BMERB1: variants seen among roughly 807,000 people sequenced by gnomAD.
BMERB1 encodes bMERB domain-containing protein 1.
In BMERB1, 12 loss-of-function variants were observed where a neutral mutation model predicts 23.6. The observed-to-expected ratio is 0.51, with a 90% confidence interval of 0.33 to 0.82. BMERB1 has a LOEUF of 0.82. Ranked by LOEUF, BMERB1 falls within the 40% of genes least tolerant of loss-of-function variation. BMERB1 has a pLI of 0.03. For synonymous variants in BMERB1, 122 were observed against 96.6 expected (o/e 1.26, Z -1.54); for missense variants, 247 against 255.4 (o/e 0.97, Z 0.22).
At chr16:15,546,182 G>A (rs924160291) in intron 2 of BMERB1, among the ~76,000 whole-genome samples, 1 of 152,280 alleles carries the variant, frequency 6.6e-6, no homozygotes, top group African/African-American at 2.4e-5. Context: ...CAGCCACTCA[G>A]GAGGCTGAGG....
chr16:15,435,866 A>G (rs1303584582), intron 1 of BMERB1, among the ~76,000 whole-genome samples: 2 of 152,148 alleles, frequency 1.3e-5, no homozygotes, highest in Non-Finnish European at 2.9e-5. Context: ...TCACAATCCA[A>G]TGTCTTAGTG....
At chr16:15,484,466 A>G (rs931636082) in intron 1 of BMERB1, among the ~76,000 whole-genome samples, 17 of 151,882 alleles carry the variant, frequency 1.1e-4, no homozygotes, top group African/African-American at 3.6e-4. Context: ...CAGTGGTGCA[A>G]TCTCAACTCA....
At chr16:15,491,400 C>G (rs1296392988) in intron 1 of BMERB1, among the ~76,000 whole-genome samples, 2 of 151,300 alleles carry the variant, frequency 1.3e-5, no homozygotes, top group East Asian at 3.9e-4. Context: ...GTTGCCCAGT[C>G]TGGAGTGCAA....
At chr16:15,508,452 G>A (rs965861678) in intron 1 of BMERB1, among the ~76,000 whole-genome samples, 2 of 151,652 alleles carry the variant, frequency 1.3e-5, no homozygotes, top group Admixed American at 6.6e-5. Flanking sequence ...TCAGTGTCCA[G>A]AACAACTCTA....
At chr16:15,448,493 A>G (rs1396639976) in intron 1 of BMERB1, among the ~76,000 whole-genome samples, 1 of 152,082 alleles carries the variant, frequency 6.6e-6, no homozygotes, top group African/African-American at 2.4e-5. Flanking sequence ...TGAGGTCTTA[A>G]CCAGTTAAAA....
intron 1 of BMERB1, among the ~76,000 whole-genome samples, chr16:15,439,063 G>T (rs947957989): frequency 2.6e-5 from 4 of 152,220 alleles, no homozygotes; most frequent in Admixed American, 6.5e-5. Context: ...AAACAGAATT[G>T]AAGAGGGGAG....
intron 2 of BMERB1, among the ~76,000 whole-genome samples, chr16:15,562,783 C>T (rs529581433): frequency 9.2e-5 from 14 of 152,314 alleles, no homozygotes; most frequent in East Asian, 3.9e-4. Flanking sequence ...GTTGAACGAT[C>T]GCTGATAGAA....
At chr16:15,524,827 G>A (rs974676471) in intron 2 of BMERB1, among the ~76,000 whole-genome samples, 1 of 152,158 alleles carries the variant, frequency 6.6e-6, no homozygotes, top group African/African-American at 2.4e-5. Flanking sequence ...TTGCTGCTAC[G>A]AGTTGCCTTT....
chr16:15,578,065 G>A (rs2030915438), intron 3 of BMERB1, among the ~76,000 whole-genome samples: 1 of 152,190 alleles, frequency 6.6e-6, no homozygotes, highest in African/African-American at 2.4e-5. Flanking sequence ...ATTCCTTGGG[G>A]GGGAAATCCC....
At chr16:15,558,899 C>T (rs569223707) in intron 2 of BMERB1, among the ~76,000 whole-genome samples, 1 of 151,742 alleles carries the variant, frequency 6.6e-6, no homozygotes, top group Non-Finnish European at 1.5e-5. Flanking sequence ...AGGGGAGAAC[C>T]GAAGGCCCTA....
intron 1 of BMERB1, among the ~76,000 whole-genome samples, chr16:15,481,920 G>A (rs1282731404): frequency 6.6e-6 from 1 of 151,326 alleles, no homozygotes; most frequent in Non-Finnish European, 1.5e-5. Flanking sequence ...TAGTAGAGAC[G>A]GGGTTTCACT....
At chr16:15,542,237 T>A (rs1028561920) in intron 2 of BMERB1, among the ~76,000 whole-genome samples, 4 of 151,906 alleles carry the variant, frequency 2.6e-5, no homozygotes, top group African/African-American at 4.8e-5. Context: ...CTAATTTTTG[T>A]ATTTTTAGTA....
chr16:15,505,600 T>C (rs768899689), intron 1 of BMERB1, among the ~76,000 whole-genome samples: 6 of 152,062 alleles, frequency 3.9e-5, no homozygotes, highest in Non-Finnish European at 8.8e-5. Flanking sequence ...GTAAAAAAAG[T>C]CAATGTCGGC....
chr16:15,562,250 C>T (rs986392552), intron 2 of BMERB1, among the ~76,000 whole-genome samples: 5 of 150,592 alleles, frequency 3.3e-5, no homozygotes, highest in South Asian at 4.2e-4. Flanking sequence ...TTGCAATGAG[C>T]CAAGATCGCG....
At chr16:15,542,414 C>T (rs2052095567) in intron 2 of BMERB1, among the ~76,000 whole-genome samples, 1 of 152,016 alleles carries the variant, frequency 6.6e-6, no homozygotes, top group Non-Finnish European at 1.5e-5. Flanking sequence ...TGACGAGGCC[C>T]CAACCTGAAG....
At chr16:15,447,883 G>A (rs769131630) in intron 1 of BMERB1, 61 of 455,650 alleles carry the variant, frequency 1.3e-4, no homozygotes, top group African/African-American at 1.1e-3. Context: ...GAAAGAAGTA[G>A]CATTTATTTA....
intron 2 of BMERB1, among the ~76,000 whole-genome samples, chr16:15,541,706 A>G (rs2052083317): frequency 1.4e-5 from 2 of 144,038 alleles, no homozygotes; most frequent in South Asian, 4.3e-4. Flanking sequence ...GGTTCATGCC[A>G]TTCTCCTGCC....
At chr16:15,505,975 A>G (rs2051586204) in intron 1 of BMERB1, among the ~76,000 whole-genome samples, 1 of 151,680 alleles carries the variant, frequency 6.6e-6, no homozygotes, top group Non-Finnish European at 1.5e-5. Context: ...AATTCTATGC[A>G]GTGTTGAGAG....
At chr16:15,453,244 C>T (rs540253634) in intron 1 of BMERB1, among the ~76,000 whole-genome samples, 23 of 152,060 alleles carry the variant, frequency 1.5e-4, no homozygotes, top group Non-Finnish European at 3.1e-4. Context: ...GGTTAATGCT[C>T]GAAATTTTAA....
Sources: gnomAD v4.1 joint callset for allele counts (sites outside exome capture counted in the v4.1 genomes callset) on GRCh38, gnomAD v4.1.1 for gene constraint, MANE v1.5 for transcripts, NCBI Gene and HGNC (gene_info 2026-07-23, HGNC 2026-07-21) for gene names.